Variants in UPF2 observed in about 807,000 individuals in gnomAD.
UPF2 encodes the protein regulator of nonsense transcripts 2.
Under a neutral mutation model 141.4 loss-of-function variants are expected in UPF2, and 17 were observed. The ratio of observed to expected loss-of-function variants is 0.12; its 90% CI spans 0.08 to 0.18. The LOEUF (loss-of-function observed/expected upper bound fraction) is 0.18, where lower values mean the gene tolerates loss of function less well. Ranked by LOEUF, UPF2 falls within the 10% of genes least tolerant of loss-of-function variation. The probability of loss-of-function intolerance (pLI) is 1.00; values close to 1 mark genes in which losing one functional copy is unlikely to be tolerated. For synonymous variants in UPF2, 540 were observed against 498.0 expected, an observed-to-expected ratio of 1.08 and a Z score of -1.12; for missense variants, 1,152 against 1,515.9, an observed-to-expected ratio of 0.76 and a Z score of 3.99.
intron 19 of UPF2, among the ~76,000 whole-genome samples, chr10:11,934,366 G>C (rs967559961): frequency 6.6e-6 from 1 of 152,156 alleles, no homozygotes; most frequent in Non-Finnish European, 1.5e-5. Flanking sequence ...GGAGAGTAAA[G>C]GAATGGGGAT....
At chr10:12,003,954 G>C (rs1034965496) in intron 5 of UPF2, among the ~76,000 whole-genome samples, 52 of 142,514 alleles carry the variant, frequency 3.6e-4, no homozygotes, top group African/African-American at 1.3e-3. Flanking sequence ...AGAATGCATA[G>C]AAGGAAACAG....
intron 10 of UPF2, among the ~76,000 whole-genome samples, chr10:11,964,359 T>C (rs7080355): frequency 0.18 from 27,253 of 152,152 alleles, 2,681 homozygotes; most frequent in South Asian, 0.27. Context: ...TCAAACCCCT[T>C]TCTATATTTA....
chr10:11,984,361 G>T (rs72777713), intron 8 of UPF2, among the ~76,000 whole-genome samples: 1 of 151,882 alleles, frequency 6.6e-6, no homozygotes, highest in Non-Finnish European at 1.5e-5. Context: ...TATTTTAAGC[G>T]TATCATCTGC....
rs41291283 is a variant in UPF2 at position 11,955,214 on chromosome 10, A to G, written c.2850+18T>C. 1,541 of 1,556,930 alleles carry G rather than the reference A, an allele frequency of 9.9e-4. 1 individual carries two copies. The highest frequency in any genetic ancestry group is 1.7e-3 in the Admixed American group (87 of 50,818). On this transcript the variant is annotated intron_variant, in intron 14 of 21. Coordinates refer to ENST00000357604, the MANE Select transcript of UPF2 (RefSeq NM_015542.4). ...AATATGTTAAATGATGCCAAACTGA[A>G]TATTTCAGCTTATATACCTGAAAAT...
At chr10:11,982,814 T>C (rs147179934) in intron 8 of UPF2, among the ~76,000 whole-genome samples, 5,440 of 152,196 alleles carry the variant, frequency 0.036, 112 homozygotes, top group Middle Eastern at 0.082. Context: ...GAGATGGAGT[T>C]TCTCCATGTT....
intron 8 of UPF2, among the ~76,000 whole-genome samples, chr10:11,982,220 T>C: frequency 6.6e-6 from 1 of 152,216 alleles, no homozygotes; most frequent in Non-Finnish European, 1.5e-5. Flanking sequence ...ATATAGGATT[T>C]AAATCTATGC....
At chr10:11,972,114 C>T (rs1490774700) in intron 9 of UPF2, among the ~76,000 whole-genome samples, 2 of 149,222 alleles carry the variant, frequency 1.3e-5, no homozygotes, top group Non-Finnish European at 3.0e-5. Flanking sequence ...GATATGTCAA[C>T]ACACATGAAC....
chr10:12,019,601 T>C lies in UPF2; in HGVS notation c.1146-5417A>G, dbSNP rs1381450859. On this transcript the variant is annotated intron_variant, in intron 3 of 21. Coordinates refer to ENST00000357604, the MANE Select transcript of UPF2 (RefSeq NM_015542.4). The surrounding 1 kb of genome is among the most constrained non-coding windows in gnomAD (Gnocchi z 4.5). ...CAGTAAGTAATGAGAACAAAATCTATGCCAACTCTTATGCTTTGTTATAAA... is the reference window on the plus strand; with the variant it reads ...CAGTAAGTAATGAGAACAAAATCTACGCCAACTCTTATGCTTTGTTATAAA... 6.6e-6 allele frequency among the ~76,000 whole-genome samples: 1 copy of C among 152,212 alleles called. No individual in the cohort carries two copies. The highest frequency in any genetic ancestry group is 1.5e-5 in the Non-Finnish European group (1 of 68,034).
intron 18 of UPF2, among the ~76,000 whole-genome samples, chr10:11,941,769 A>G (rs1293762700): frequency 6.6e-6 from 1 of 152,212 alleles, no homozygotes; most frequent in African/African-American, 2.4e-5. Flanking sequence ...AAGGGTTAAC[A>G]ACAAGTACAT....
At position 12,016,623 on chromosome 10, in the gene UPF2, G is replaced by C. The variant is rs986423502; in HGVS notation, c.1146-2439C>G. ...CCAGGAGAATCACTTGAACCCGGGA[G>C]GCAGAGGTTGCAGTGAGCCAAGATT... On this transcript the variant is annotated intron_variant, in intron 3 of 21. Transcript: ENST00000357604. The surrounding 1 kb of genome is among the most constrained non-coding windows in gnomAD (Gnocchi z 4.1). Among the ~76,000 whole-genome samples the C allele has an allele frequency of 6.6e-6, 1 of 151,992 alleles. No individual in the cohort carries two copies. The highest frequency in any genetic ancestry group is 1.9e-4 in the East Asian group (1 of 5,182).
Position 11,967,071 on chromosome 10 carries a change from A to G in UPF2, c.2067+270T>C, listed in dbSNP as rs77585188. ...GACTCTGTTGTAGATGGCTCCTAGT[A>G]GTTGTTTTAATCAAGTTTTATATTT... is the stretch of plus-strand genomic sequence containing the variant. On this transcript the variant is annotated intron_variant, in intron 10 of 21. Coordinates refer to ENST00000357604, the MANE Select transcript of UPF2 (RefSeq NM_015542.4). Among the ~76,000 whole-genome samples, 1,387 of 152,218 alleles carry G rather than the reference A, an allele frequency of 9.1e-3. 27 individuals carry two copies. Among genetic ancestry groups the G allele is most frequent in the African/African-American group, 0.031 (1,307 of 41,526 alleles).
rs964658393 is a variant in UPF2 at position 12,019,171 on chromosome 10, TC to T, written c.1146-4988del. Among the ~76,000 whole-genome samples, 14 of 152,212 alleles carry T rather than the reference TC, an allele frequency of 9.2e-5. No homozygotes were observed. The highest frequency in any genetic ancestry group is 1.9e-4 in the Non-Finnish European group (13 of 68,042). On this transcript the variant is annotated intron_variant, in intron 3 of 21. Coordinates refer to ENST00000357604, the MANE Select transcript of UPF2 (RefSeq NM_015542.4). This position sits in a 1 kb window ranked among gnomAD's most constrained non-coding sequence, Gnocchi z 4.5. ...ATAAAGTAGAGGTCAGCAAACTTTT[TC>T]TGTAAAGGGCCATACAATACATATT...
At chr10:11,983,235 T>C (rs941069726) in intron 8 of UPF2, among the ~76,000 whole-genome samples, 2 of 152,232 alleles carry the variant, frequency 1.3e-5, no homozygotes, top group Admixed American at 6.5e-5. Context: ...AGCTAATTTA[T>C]CAAATATCTT....
chr10:12,041,597 C>G (rs1169248695), intron 1 of UPF2, among the ~76,000 whole-genome samples: 1 of 152,192 alleles, frequency 6.6e-6, no homozygotes. Context: ...AAATCCCAAT[C>G]AGAGTGCTCC....
chr10:12,031,537 C>A (rs960521814), intron 2 of UPF2, among the ~76,000 whole-genome samples: 2 of 152,164 alleles, frequency 1.3e-5, no homozygotes, highest in African/African-American at 4.8e-5. Context: ...TAAATCTCCA[C>A]TTTGTGAAGC....
intron 3 of UPF2, among the ~76,000 whole-genome samples, chr10:12,020,196 T>C (rs1806112495): frequency 6.6e-6 from 1 of 151,960 alleles, no homozygotes; most frequent in Admixed American, 6.6e-5. Context: ...GACTTTTTTA[T>C]ATTTCCTTCA....
At chr10:11,948,652 C>A in intron 15 of UPF2, 144 bp from the exon 16 acceptor site, 2 of 942,016 alleles carry the variant, frequency 2.1e-6, no homozygotes, top group East Asian at 2.4e-5. Context: ...TTAAAAACTA[C>A]GGTGAGAAAC....
intron 4 of UPF2, among the ~76,000 whole-genome samples, chr10:12,009,458 A>T (rs1354461619): frequency 6.6e-6 from 1 of 152,262 alleles, no homozygotes; most frequent in Non-Finnish European, 1.5e-5. Flanking sequence ...TATTCTGATC[A>T]CTGGACAATG....
chr10:11,981,134 G>A (rs1188560413), intron 8 of UPF2, among the ~76,000 whole-genome samples: 1 of 152,124 alleles, frequency 6.6e-6, no homozygotes, highest in Non-Finnish European at 1.5e-5. Context: ...CCGCACTCCA[G>A]TCTGGGCCAC....
Sources: allele counts gnomAD v4.1 joint callset (sites outside exome capture counted in the v4.1 genomes callset), GRCh38; gene constraint gnomAD v4.1.1; non-coding constraint Gnocchi (gnomAD v3.1); transcripts MANE v1.5; gene names NCBI Gene and HGNC (gene_info 2026-07-23, HGNC 2026-07-21).